The following SLC10A7 variants were observed in gnomAD, a reference collection of about 807,000 sequenced individuals.
The protein encoded by SLC10A7 is sodium/bile acid cotransporter 7.
SLC10A7 carries 29 observed loss-of-function variants against 43.2 expected under a neutral mutation model. The observed-to-expected ratio is 0.67, with a 90% CI of 0.50 to 0.92. SLC10A7 has a LOEUF of 0.92. Among genes scored for constraint, SLC10A7 ranks in the 40% least tolerant of loss-of-function variants. The pLI is 0.00. For synonymous variants in SLC10A7, 152 were observed against 144.8 expected, an observed-to-expected ratio of 1.05 and a Z score of -0.35; for missense variants, 295 against 403.2, an observed-to-expected ratio of 0.73 and a Z score of 2.30.
At chr4:146,394,412 T>G (rs1738664264) in intron 5 of SLC10A7, among the ~76,000 whole-genome samples, 5 of 152,186 alleles carry the variant, frequency 3.3e-5, no homozygotes, top group Admixed American at 3.3e-4. Context: ...CAGGCTGTAG[T>G]GCAGTGGCGC....
At chr4:146,487,377 C>T (rs531680404) in intron 4 of SLC10A7, among the ~76,000 whole-genome samples, 2 of 152,170 alleles carry the variant, frequency 1.3e-5, no homozygotes, top group East Asian at 3.8e-4. Context: ...AAGGTTTGAG[C>T]TTCCTTGCAC....
intron 5 of SLC10A7, among the ~76,000 whole-genome samples, chr4:146,334,478 G>A (rs1733744455): frequency 6.6e-6 from 1 of 152,054 alleles, no homozygotes; most frequent in Non-Finnish European, 1.5e-5. Flanking sequence ...GCTGTAAAGA[G>A]GAGGAGAGAA....
chr4:146,517,124 A>G lies in SLC10A7; in HGVS notation c.101-4T>C. The G allele has an allele frequency of 6.3e-7, 1 of 1,584,764 alleles. No homozygotes were observed. Among genetic ancestry groups the G allele is most frequent in the Non-Finnish European group, 8.6e-7 (1 of 1,164,640 alleles). On this transcript the variant is annotated splice_region_variant and splice_polypyrimidine_tract_variant and intron_variant, in intron 1 of 11. Coordinates refer to ENST00000335472, the MANE Select transcript of SLC10A7 (RefSeq NM_001029998.6). Reference sequence around the variant, plus strand: ...GTTATTTCTGGCTTCAGTGGTCCTAAAAAGAGAAAAAAGAGTTATTGCTAG... The same window carrying G: ...GTTATTTCTGGCTTCAGTGGTCCTAGAAAGAGAAAAAAGAGTTATTGCTAG...
intron 6 of SLC10A7, among the ~76,000 whole-genome samples, chr4:146,311,961 A>C (rs1732011382): frequency 1.3e-5 from 2 of 152,096 alleles, no homozygotes; most frequent in Non-Finnish European, 2.9e-5. Flanking sequence ...TGCAAACTAA[A>C]CTTACATAAA....
At chr4:146,429,136 T>C (rs955242415) in intron 5 of SLC10A7, among the ~76,000 whole-genome samples, 1 of 152,154 alleles carries the variant, frequency 6.6e-6, no homozygotes, top group African/African-American at 2.4e-5. Flanking sequence ...ATAAATTTCT[T>C]ATGGCTACAG....
intron 5 of SLC10A7, among the ~76,000 whole-genome samples, chr4:146,344,698 C>T (rs1359522065): frequency 1.3e-5 from 2 of 151,556 alleles, no homozygotes; most frequent in African/African-American, 4.9e-5. Flanking sequence ...CATGTGATAT[C>T]AAAAGAGATT....
At chr4:146,358,921 A>C (rs747592451) in intron 5 of SLC10A7, among the ~76,000 whole-genome samples, 1 of 152,176 alleles carries the variant, frequency 6.6e-6, no homozygotes, top group African/African-American at 2.4e-5. Context: ...TAGGGTAGGC[A>C]TATGTTTAAC....
chr4:146,456,053 G>A (rs1044814186), intron 4 of SLC10A7, among the ~76,000 whole-genome samples: 1 of 151,614 alleles, frequency 6.6e-6, no homozygotes, highest in Non-Finnish European at 1.5e-5. Context: ...ATTTCAAAGT[G>A]CAAATATAAT....
chr4:146,367,563 C>A (rs1736484916), intron 5 of SLC10A7, among the ~76,000 whole-genome samples: 1 of 152,096 alleles, frequency 6.6e-6, no homozygotes, highest in African/African-American at 2.4e-5. Flanking sequence ...AATGCCAGTT[C>A]TATTTTTAAA....
intron 3 of SLC10A7, among the ~76,000 whole-genome samples, chr4:146,509,161 C>CAT (rs1737217254): frequency 6.6e-6 from 1 of 152,188 alleles, no homozygotes; most frequent in Non-Finnish European, 1.5e-5. Context: ...CTATCTTGCT[C>CAT]ATCTACTTAC....
At chr4:146,314,117 G>A (rs866348050) in intron 6 of SLC10A7, among the ~76,000 whole-genome samples, 10 of 152,166 alleles carry the variant, frequency 6.6e-5, no homozygotes, top group African/African-American at 2.4e-4. Context: ...TGCAGTCTCA[G>A]TCGAGTGACA....
At chr4:146,288,429 T>G (rs1429768253) in intron 9 of SLC10A7, among the ~76,000 whole-genome samples, 2 of 152,204 alleles carry the variant, frequency 1.3e-5, no homozygotes, top group East Asian at 3.8e-4. Flanking sequence ...AAAACGGAAC[T>G]GGAAACACAA....
chr4:146,289,415 CA>C (rs1250032426), intron 9 of SLC10A7, among the ~76,000 whole-genome samples: 1 of 152,128 alleles, frequency 6.6e-6, no homozygotes, highest in African/African-American at 2.4e-5. Flanking sequence ...ACTCTAATGA[CA>C]ATATAGGTTT....
At chr4:146,286,652 G>GTGTCTGGAGTGGTGAGAAGGACCA (rs1560763914) in intron 9 of SLC10A7, among the ~76,000 whole-genome samples, 17 of 122,704 alleles carry the variant, frequency 1.4e-4, no homozygotes, top group East Asian at 5.4e-4. Flanking sequence ...GAGAAGGACC[G>GTGTCTGGAGTGGTGAGAAGGACCA]TGTCTGGAGT....
intron 3 of SLC10A7, among the ~76,000 whole-genome samples, chr4:146,505,871 G>T (rs1027858013): frequency 6.6e-6 from 1 of 152,124 alleles, no homozygotes; most frequent in Non-Finnish European, 1.5e-5. Flanking sequence ...TTTCTCAAAA[G>T]TTATATTTAA....
At chr4:146,442,443 T>C in intron 5 of SLC10A7, 1 of 1,028,454 alleles carries the variant, frequency 9.7e-7, no homozygotes, top group Non-Finnish European at 1.2e-6. Flanking sequence ...CTTTTCAAAA[T>C]CCTCAGTCCC....
chr4:146,436,478 A>G (rs1255486980), intron 5 of SLC10A7, among the ~76,000 whole-genome samples: 1 of 152,118 alleles, frequency 6.6e-6, no homozygotes, highest in Non-Finnish European at 1.5e-5. Context: ...TAGTGAAAGA[A>G]ACACAAACAT....
intron 5 of SLC10A7, among the ~76,000 whole-genome samples, chr4:146,392,340 T>C (rs1024336800): frequency 5.3e-5 from 8 of 152,164 alleles, no homozygotes; most frequent in East Asian, 1.9e-4. Context: ...CTTAAACCTA[T>C]GTGCCATAAT....
rs117654147 is a variant in SLC10A7 at position 146,262,960 on chromosome 4, C to T, written c.848-4123G>A. ...CTTCATGACTTGCCCCAAGCTTTTG[C>T]TCTTTTTCACTCTAAATCTCACTAC... On this transcript the variant is annotated intron_variant, in intron 10 of 11. Transcript: ENST00000335472. 1.5e-3 allele frequency among the ~76,000 whole-genome samples: 222 copies of T among 152,354 alleles called. 6 individuals carry two copies. In the East Asian group the frequency reaches 0.04, roughly 27 times the overall value.
Sources: gnomAD v4.1 joint callset for allele counts (sites outside exome capture counted in the v4.1 genomes callset) on GRCh38, gnomAD v4.1.1 for gene constraint, MANE v1.5 for transcripts, NCBI Gene and HGNC (gene_info 2026-07-23, HGNC 2026-07-21) for gene names.